The following PTPRD variants were observed in gnomAD, a reference collection of about 807,000 sequenced individuals.
The protein encoded by PTPRD is protein tyrosine phosphatase receptor type D.
A neutral mutation model predicts 214.5 loss-of-function variants in PTPRD; 34 were observed. That is an observed-to-expected ratio of 0.16 (90% confidence interval 0.12 to 0.21). The LOEUF (loss-of-function observed/expected upper bound fraction) is 0.21, where lower values mean the gene tolerates loss of function less well. PTPRD is among the 10% of genes least tolerant of loss of function. PTPRD has a pLI of 1.00. For missense variants in PTPRD, 2,545 were observed against 2,398.7 expected (o/e 1.06, Z -1.27); for synonymous variants, 1,128 against 845.7 (o/e 1.33, Z -5.79).
intron 8 of PTPRD, among the ~76,000 whole-genome samples, chr9:9,420,003 G>A (rs1159557321): frequency 6.6e-6 from 1 of 151,532 alleles, no homozygotes; most frequent in Non-Finnish European, 1.5e-5. Context: ...GGTAAGGAAA[G>A]GTAGTTACTC....
At chr9:9,239,044 G>A (rs1046123207) in intron 9 of PTPRD, among the ~76,000 whole-genome samples, 3 of 152,084 alleles carry the variant, frequency 2.0e-5, no homozygotes, top group Non-Finnish European at 2.9e-5. Flanking sequence ...AGGCAAATAT[G>A]CCTCAAACTC....
intron 8 of PTPRD, among the ~76,000 whole-genome samples, chr9:9,485,038 T>C (rs1036938396): frequency 9.2e-5 from 14 of 152,208 alleles, no homozygotes; most frequent in Admixed American, 2.6e-4. Context: ...TGTCACATTG[T>C]TCCCCAAAGT....
intron 7 of PTPRD, among the ~76,000 whole-genome samples, chr9:9,734,147 G>C (rs1391585243): frequency 6.6e-6 from 1 of 152,074 alleles, no homozygotes; most frequent in Non-Finnish European, 1.5e-5. Flanking sequence ...TTTTGTGTCA[G>C]CTCATCTTTG....
At chr9:8,779,220 A>T (rs989559322) in intron 11 of PTPRD, among the ~76,000 whole-genome samples, 1 of 152,188 alleles carries the variant, frequency 6.6e-6, no homozygotes, top group African/African-American at 2.4e-5. Context: ...AAGAACAACA[A>T]GAATCTGTTA....
chr9:9,589,427 G>C (rs1371448765), intron 7 of PTPRD, among the ~76,000 whole-genome samples: 4 of 151,434 alleles, frequency 2.6e-5, no homozygotes, highest in Admixed American at 6.6e-5. Context: ...TTAAAATATA[G>C]AACAAGTAAT....
At chr9:10,486,098 G>C (rs1408462797) in intron 2 of PTPRD, among the ~76,000 whole-genome samples, 1 of 151,790 alleles carries the variant, frequency 6.6e-6, no homozygotes, top group Non-Finnish European at 1.5e-5. Context: ...TATCAGGTGG[G>C]TGGATTGCAA....
chr9:9,766,494 G>C (rs950475252), intron 6 of PTPRD, among the ~76,000 whole-genome samples: 1 of 152,082 alleles, frequency 6.6e-6, no homozygotes. Context: ...TTCATCTTCA[G>C]AGTCATTAAA....
chr9:9,374,911 C>G (rs1165816495), intron 9 of PTPRD, among the ~76,000 whole-genome samples: 1 of 152,042 alleles, frequency 6.6e-6, no homozygotes, highest in Admixed American at 6.6e-5. Context: ...ATAACAATAA[C>G]AGAAGGGACA....
At chr9:9,041,701 A>G (rs2099640387) in intron 10 of PTPRD, among the ~76,000 whole-genome samples, 1 of 152,296 alleles carries the variant, frequency 6.6e-6, no homozygotes, top group Non-Finnish European at 1.5e-5. Flanking sequence ...CTACTCACAG[A>G]AAGTTAGCAC....
intron 10 of PTPRD, among the ~76,000 whole-genome samples, chr9:9,149,156 T>C (rs2099873572): frequency 6.6e-6 from 1 of 152,162 alleles, no homozygotes; most frequent in Non-Finnish European, 1.5e-5. Flanking sequence ...AGGTATAAAA[T>C]TATCGCTCAC....
intron 11 of PTPRD, among the ~76,000 whole-genome samples, chr9:8,791,630 C>A (rs1455095332): frequency 2.0e-5 from 3 of 147,844 alleles, no homozygotes; most frequent in Non-Finnish European, 4.4e-5. Flanking sequence ...CAGTTTCAAG[C>A]GATTCTGGAG....
chr9:8,846,692 G>T (rs889988005), intron 11 of PTPRD, among the ~76,000 whole-genome samples: 5 of 152,144 alleles, frequency 3.3e-5, no homozygotes, highest in Middle Eastern at 3.2e-3. Context: ...CTGGGAAACA[G>T]CAAATACTTT....
intron 4 of PTPRD, among the ~76,000 whole-genome samples, chr9:9,992,135 T>G (rs2095958740): frequency 6.6e-6 from 1 of 152,198 alleles, no homozygotes; most frequent in Admixed American, 6.5e-5. Flanking sequence ...TAAAAGTTTC[T>G]TTCTTGGAGT....
At chr9:8,493,298 C>T (rs1015145532) in intron 26 of PTPRD, among the ~76,000 whole-genome samples, 1 of 152,198 alleles carries the variant, frequency 6.6e-6, no homozygotes, top group South Asian at 2.1e-4. Flanking sequence ...GTTTACCTAT[C>T]TGTGCCTCCA....
Position 9,531,007 on chromosome 9 carries a change from T to C in PTPRD, c.-237+43725A>G, listed in dbSNP as rs1359668608. On this transcript the variant is annotated intron_variant, in intron 8 of 45. Transcript: ENST00000381196. ...AAGCTAACTATACTAAGCAATGATA[T>C]TTTGTATATTTCAAAATAACTAGAA... 5.3e-5 allele frequency among the ~76,000 whole-genome samples: 8 copies of C among 152,128 alleles called. No individual in the cohort carries two copies. In the East Asian group the frequency reaches 1.4e-3, roughly 26 times the overall value.
intron 7 of PTPRD, among the ~76,000 whole-genome samples, chr9:9,703,801 T>C (rs1250715783): frequency 6.6e-6 from 1 of 152,214 alleles, no homozygotes; most frequent in African/African-American, 2.4e-5. Flanking sequence ...TTAGTTAGAA[T>C]AAAAATGTAT....
At chr9:8,382,087 C>T (rs577250230) in intron 37 of PTPRD, among the ~76,000 whole-genome samples, 1 of 152,124 alleles carries the variant, frequency 6.6e-6, no homozygotes, top group Non-Finnish European at 1.5e-5. Flanking sequence ...CCTTTGACTC[C>T]AGTGTCACCT....
At chr9:10,313,101 A>C (rs2096313989) in intron 3 of PTPRD, among the ~76,000 whole-genome samples, 1 of 151,880 alleles carries the variant, frequency 6.6e-6, no homozygotes, top group African/African-American at 2.4e-5. Flanking sequence ...CAATCTCCAT[A>C]GGCAAAACCT....
chr9:9,238,707 C>T lies in PTPRD; in HGVS notation c.-202-55344G>A, dbSNP rs115371668. Reference sequence around the variant, plus strand: ...CACCAGCTTCAATAAAATGTCCATGCAATGAGGTATATTCTAAAACAATTA... The same window carrying T: ...CACCAGCTTCAATAAAATGTCCATGTAATGAGGTATATTCTAAAACAATTA... On this transcript the variant is annotated intron_variant, in intron 9 of 45. Coordinates refer to ENST00000381196, the MANE Select transcript of PTPRD (RefSeq NM_002839.4). Among the ~76,000 whole-genome samples the T allele has an allele frequency of 6.7e-3, 1,023 of 152,170 alleles. 10 individuals carry two copies. The highest frequency in any genetic ancestry group is 0.023 in the African/African-American group (954 of 41,508).
Sources: gnomAD v4.1 joint callset for allele counts (sites outside exome capture counted in the v4.1 genomes callset) on GRCh38, gnomAD v4.1.1 for gene constraint, MANE v1.5 for transcripts, NCBI Gene and HGNC (gene_info 2026-07-23, HGNC 2026-07-21) for gene names.